IFT122: variants seen among roughly 807,000 people sequenced by gnomAD.
IFT122 encodes intraflagellar transport 122, also known as intraflagellar transport protein 122 homolog.
A neutral mutation model predicts 161.6 loss-of-function variants in IFT122; 118 were observed. That is an observed-to-expected ratio of 0.73 (90% confidence interval 0.63 to 0.85). IFT122 has a LOEUF of 0.85. Among genes scored for constraint, IFT122 ranks in the 40% least tolerant of loss-of-function variants. The probability of loss-of-function intolerance (pLI) is 0.00; values close to 1 mark genes in which losing one functional copy is unlikely to be tolerated. For missense variants in IFT122, 1,381 were observed against 1,579.6 expected (o/e 0.87, Z 2.13); for synonymous variants, 550 against 602.4 (o/e 0.91, Z 1.27).
At chr3:129,485,300 C>T (rs1338131881) in intron 15 of IFT122, among the ~76,000 whole-genome samples, 8 of 152,174 alleles carry the variant, frequency 5.3e-5, no homozygotes, top group Non-Finnish European at 1.0e-4. Context: ...AGTCTGTTTT[C>T]CCCATACAAC....
intron 1 of IFT122, among the ~76,000 whole-genome samples, chr3:129,446,865 T>TTTG (rs933703802): frequency 6.6e-6 from 1 of 152,228 alleles, no homozygotes; most frequent in Non-Finnish European, 1.5e-5. Context: ...GTTTTGTTTT[T>TTTG]TTGTTGTTGT....
intron 26 of IFT122, among the ~76,000 whole-genome samples, chr3:129,516,394 GCACACACATACAGAGA>G (rs2083629451): frequency 9.7e-6 from 1 of 102,842 alleles, no homozygotes; most frequent in Non-Finnish European, 1.9e-5. Flanking sequence ...GACTGCTCCT[GCACACACATACAGAGA>G]CTGCCCCTGC....
chr3:129,465,122 TG>T lies in IFT122; in HGVS notation c.563+342del, dbSNP rs1577412971. 1.6e-4 allele frequency among the ~76,000 whole-genome samples: 10 copies of T among 63,874 alleles called. No individual in the cohort carries two copies. The East Asian group carries it at 8.9e-3, about 57-fold the overall frequency. 41.9% of individuals were successfully genotyped at this position (63,874 alleles called of 152,430 possible). ...ACGTGTACATGTATATGAGTGTGTG[TG>T]TGTGTGTGTGTGTGTGTGTGTGTGT... On this transcript the variant is annotated intron_variant, in intron 7 of 29. Coordinates refer to ENST00000348417, the MANE Select transcript of IFT122 (RefSeq NM_052989.3).
At chr3:129,480,168 A>G (rs964427512) in intron 13 of IFT122, among the ~76,000 whole-genome samples, 2 of 152,200 alleles carry the variant, frequency 1.3e-5, no homozygotes, top group Non-Finnish European at 2.9e-5. Context: ...GGCTACATGT[A>G]GAGTGTATTA....
At position 129,489,274 on chromosome 3, in the gene IFT122, C is replaced by T. The variant is rs776461059; in HGVS notation, c.1992+877C>T. Among the ~76,000 whole-genome samples, 6 of 152,126 alleles carry T rather than the reference C, an allele frequency of 3.9e-5. No homozygotes were observed. The East Asian group carries it at 5.8e-4, about 15-fold the overall frequency. On this transcript the variant is annotated intron_variant, in intron 16 of 29. Transcript: ENST00000348417. ...CAGGACTAAGAAGCCTGGCTGAGAA[C>T]GAGCTGTGTCACATAAGGGGCTCTG... is the stretch of plus-strand genomic sequence containing the variant.
chr3:129,464,728 G>A lies in IFT122; in HGVS notation c.510G>A (p.Glu170=). ...NKNGEEKVKI[E]RPGGSLSPIW... Reference sequence around the variant, plus strand: ...ATGGCGAGGAGAAAGTAAAGATCGAGCGGCCGGGGGGCTCCCTCTCGCCAA... The same window carrying A: ...ATGGCGAGGAGAAAGTAAAGATCGAACGGCCGGGGGGCTCCCTCTCGCCAA... Residue 170 remains glutamate (E), a synonymous_variant, in exon 7 of 30, where the codon GAG becomes GAA. Transcript: ENST00000348417. 1.2e-6 allele frequency: 2 copies of A among 1,614,110 alleles called. No homozygotes were observed. Among genetic ancestry groups the A allele is most frequent in the Non-Finnish European group, 1.7e-6 (2 of 1,180,032 alleles).
chr3:129,471,066 A>G (rs571217403), intron 9 of IFT122, among the ~76,000 whole-genome samples: 1 of 152,360 alleles, frequency 6.6e-6, no homozygotes, highest in South Asian at 2.1e-4. Flanking sequence ...TAGGCAGGAA[A>G]TGCCAAGGAT....
At chr3:129,472,386 A>G (rs1184285531) in intron 9 of IFT122, among the ~76,000 whole-genome samples, 1 of 151,948 alleles carries the variant, frequency 6.6e-6, no homozygotes, top group East Asian at 1.9e-4. Context: ...GCTGGTCTCA[A>G]ACTCCTGGGC....
rs775266843 is a variant in IFT122, at chr3:129,517,594, A to T, written c.3391A>T (p.Ser1131Cys). 2 of 1,613,026 alleles carry T rather than the reference A, an allele frequency of 1.2e-6. No homozygotes were observed. Among genetic ancestry groups the T allele is most frequent in the Non-Finnish European group, 1.7e-6 (2 of 1,179,296 alleles). ...DDRQLEIANN[S>C]SQILRLVETK... is the part of the protein sequence containing the mutation. The stretch of plus-strand genomic sequence containing the variant: ...CAGACAGCTAGAGATTGCAAACAAC[A>T]GTATCCATGCCCTTGGCCAGAGCCT... The change falls in exon 27 of 30, where the codon AGC becomes TGC. Residue 1131 changes from serine to cysteine, a missense_variant and splice_region_variant. By Grantham distance (112) the Ser-to-Cys change is moderately radical. Transcript: ENST00000348417.
chr3:129,502,059 C>T lies in IFT122; in HGVS notation c.2376-652C>T, dbSNP rs1319171040. Among the ~76,000 whole-genome samples, 6 of 152,184 alleles carry T rather than the reference C, an allele frequency of 3.9e-5. No individual in the cohort carries two copies. The East Asian group carries it at 9.6e-4, about 24-fold the overall frequency. On this transcript the variant is annotated intron_variant, in intron 19 of 29. Transcript: ENST00000348417. ...CCCCATGAGTGATGGGAGGGCTGCTCACCATGGGGAAGCAGTGGTGAGCCA... is the reference window on the plus strand; with the variant it reads ...CCCCATGAGTGATGGGAGGGCTGCTTACCATGGGGAAGCAGTGGTGAGCCA...
chr3:129,468,133 G>C (rs1047387431), intron 8 of IFT122, among the ~76,000 whole-genome samples: 2 of 152,142 alleles, frequency 1.3e-5, no homozygotes, highest in Non-Finnish European at 1.5e-5. Context: ...CATCCCTCTC[G>C]GTCTTTGTCT....
Position 129,481,658 on chromosome 3 carries a change from G to C in IFT122, c.1617G>C (p.Leu539=). 1.2e-6 allele frequency: 2 copies of C among 1,614,024 alleles called. No homozygotes were observed. The highest frequency in any genetic ancestry group is 1.7e-6 in the Non-Finnish European group (2 of 1,179,876). The change falls in exon 14 of 30, where the codon CTG becomes CTC. Residue 539 remains leucine, a synonymous_variant. Transcript: ENST00000348417. The part of the protein sequence containing the change: ...LAVVDENDTC[L]VYDIDTKELL... Reference sequence around the variant, plus strand: ...TGGTAGATGAAAATGACACTTGCCTGGTGTATGACATCGACACCAAGGAGC... The same window carrying C: ...TGGTAGATGAAAATGACACTTGCCTCGTGTATGACATCGACACCAAGGAGC...
At chr3:129,498,370 A>C (rs2081138992) in intron 18 of IFT122, among the ~76,000 whole-genome samples, 1 of 152,252 alleles carries the variant, frequency 6.6e-6, no homozygotes, top group Non-Finnish European at 1.5e-5. Context: ...CCAGGTAGGC[A>C]GGGTTTCCAG....
rs1286759459 is a variant in IFT122 at position 129,481,761 on chromosome 3, C to G, written c.1653+67C>G. 2.6e-6 allele frequency: 4 copies of G among 1,550,862 alleles called. No homozygotes were observed. The African/African-American group carries it at 5.4e-5, about 21-fold the overall frequency. On this transcript the variant is annotated intron_variant, in intron 14 of 29. Coordinates refer to ENST00000348417, the MANE Select transcript of IFT122 (RefSeq NM_052989.3). The stretch of plus-strand genomic sequence containing the variant: ...AGAGACTCTCCTCTAGCTTCCCAGT[C>G]CCTGCAGGAGGCTCTCCTGCTCTGG...
chr3:129,496,011 G>A (rs536676038), intron 18 of IFT122, among the ~76,000 whole-genome samples: 1 of 152,262 alleles, frequency 6.6e-6, no homozygotes, highest in Non-Finnish European at 1.5e-5. Flanking sequence ...CATGCAGGAC[G>A]ACATGGTGCC....
chr3:129,461,316 T>C lies in IFT122; in HGVS notation c.349+12T>C, dbSNP rs1485751199. 1 of 1,591,784 alleles carries C rather than the reference T, an allele frequency of 6.3e-7. No homozygotes were observed. The highest frequency in any genetic ancestry group is 1.3e-5 in the African/African-American group (1 of 74,518). Reference sequence around the variant, plus strand: ...CTCCAGTGACTTTGGTACGTTCTGATTCCTGATGTCCTGTCCTGGAATAAC... The same window carrying C: ...CTCCAGTGACTTTGGTACGTTCTGACTCCTGATGTCCTGTCCTGGAATAAC... On this transcript the variant is annotated intron_variant, in intron 5 of 29. Coordinates refer to ENST00000348417, the MANE Select transcript of IFT122 (RefSeq NM_052989.3).
In IFT122 at chr3:129,440,260, C is replaced by G; in HGVS notation, c.-71C>G. On this transcript the variant is annotated 5_prime_UTR_variant, in exon 1 of 30. Transcript: ENST00000348417. ...CCAAAGTGGCTTGTGGAGTGGCGAC[C>G]GTTAGTGAGGCGGTTGCTGAGACAG... 6.5e-7 allele frequency: 1 copy of G among 1,540,268 alleles called. No individual in the cohort carries two copies. The highest frequency in any genetic ancestry group is 8.8e-7 in the Non-Finnish European group (1 of 1,140,478).
intron 19 of IFT122, among the ~76,000 whole-genome samples, chr3:129,500,391 G>T (rs146579996): frequency 3.2e-4 from 48 of 152,352 alleles, no homozygotes; most frequent in African/African-American, 1.1e-3. Flanking sequence ...ATCAGGGCTG[G>T]TGTCTCCTCG....
intron 1 of IFT122, among the ~76,000 whole-genome samples, chr3:129,447,747 G>A (rs150649189): frequency 0.011 from 1,644 of 152,234 alleles, 34 homozygotes; most frequent in African/African-American, 0.037. Context: ...TCCTGACCTC[G>A]TGATCCGCCC....
Sources: gnomAD v4.1 joint callset for allele counts (sites outside exome capture counted in the v4.1 genomes callset) on GRCh38, gnomAD v4.1.1 for gene constraint, MANE v1.5 for transcripts, NCBI Gene and HGNC (gene_info 2026-07-23, HGNC 2026-07-21) for gene names.